MACROD2: variants seen among roughly 807,000 people sequenced by gnomAD.
The protein encoded by MACROD2 is ADP-ribose glycohydrolase MACROD2.
Under a neutral mutation model 70.4 loss-of-function variants are expected in MACROD2, and 36 were observed. The observed-to-expected ratio is 0.51, with a 90% confidence interval of 0.39 to 0.68. The LOEUF is 0.68. MACROD2 is among the 30% of genes least tolerant of loss of function. The probability of loss-of-function intolerance (pLI) is 0.00; values close to 1 mark genes in which losing one functional copy is unlikely to be tolerated. For synonymous variants in MACROD2, 172 were observed against 178.8 expected (o/e 0.96, Z 0.30); for missense variants, 496 against 538.4 (o/e 0.92, Z 0.78).
intron 3 of MACROD2, among the ~76,000 whole-genome samples, chr20:14,175,210 C>G (rs1047634006): frequency 6.6e-6 from 1 of 152,218 alleles, no homozygotes; most frequent in African/African-American, 2.4e-5. Flanking sequence ...TCCTATCTGT[C>G]ATTTTTTCCC....
intron 3 of MACROD2, among the ~76,000 whole-genome samples, chr20:14,436,551 G>A (rs8116105): frequency 2.0e-5 from 3 of 151,892 alleles, no homozygotes; most frequent in African/African-American, 4.8e-5. Flanking sequence ...TTCCATATGC[G>A]TACTCCCTAG....
intron 6 of MACROD2, among the ~76,000 whole-genome samples, chr20:15,337,752 T>G (rs1275475159): frequency 2.6e-5 from 4 of 151,704 alleles, no homozygotes; most frequent in Non-Finnish European, 4.4e-5. Flanking sequence ...CATGGAAACA[T>G]GACATGAGTC....
At chr20:15,241,643 G>T (rs2077060484) in intron 6 of MACROD2, among the ~76,000 whole-genome samples, 1 of 151,536 alleles carries the variant, frequency 6.6e-6, no homozygotes, top group African/African-American at 2.4e-5. Flanking sequence ...ACGCTGTCTT[G>T]CAGAACAAGT....
chr20:15,982,087 G>A (rs1159091833), intron 13 of MACROD2, among the ~76,000 whole-genome samples: 1 of 151,752 alleles, frequency 6.6e-6, no homozygotes, highest in Non-Finnish European at 1.5e-5. Context: ...ACATTTTTGG[G>A]GACCTCTCTT....
chr20:15,234,757 C>T (rs1440654488), intron 6 of MACROD2, among the ~76,000 whole-genome samples: 7 of 151,618 alleles, frequency 4.6e-5, no homozygotes, highest in East Asian at 1.9e-4. Flanking sequence ...TCGGGGTGAG[C>T]GTAGGGGTGA....
At chr20:14,520,952 T>TGCGC (rs202009454) in intron 4 of MACROD2, among the ~76,000 whole-genome samples, 4 of 114,694 alleles carry the variant, frequency 3.5e-5, no homozygotes, top group Non-Finnish European at 5.3e-5. Context: ...CACGCGTGCG[T>TGCGC]GCGCGCACAC....
intron 6 of MACROD2, among the ~76,000 whole-genome samples, chr20:15,381,958 G>T (rs1698717627): frequency 6.6e-6 from 1 of 152,124 alleles, no homozygotes; most frequent in Admixed American, 6.5e-5. Flanking sequence ...ATTACTAAAG[G>T]GAATTCCAGG....
intron 5 of MACROD2, among the ~76,000 whole-genome samples, chr20:14,854,402 A>G (rs1238033512): frequency 6.6e-6 from 1 of 152,158 alleles, no homozygotes; most frequent in African/African-American, 2.4e-5. Context: ...CTGTATTAGT[A>G]TACTTAATCA....
In MACROD2 at chr20:14,479,723, TGA is replaced by T. The variant is rs542194360; in HGVS notation, c.272-13752_272-13751del. Among the ~76,000 whole-genome samples the T allele has an allele frequency of 3.0e-3, 459 of 152,234 alleles. 10 individuals are homozygous for T. Among genetic ancestry groups the T allele is most frequent in the Admixed American group, 0.029 (443 of 15,286 alleles). On this transcript the variant is annotated intron_variant, in intron 3 of 17. Coordinates refer to ENST00000684519, the MANE Select transcript of MACROD2 (RefSeq NM_001351661.2). ...ATCTTCACCAGACTTCAGCTTCATC[TGA>T]GAGGGCAGAATTTTGCAAAATAGAA...
intron 4 of MACROD2, among the ~76,000 whole-genome samples, chr20:14,577,895 A>G (rs1600407399): frequency 6.6e-6 from 1 of 151,966 alleles, no homozygotes; most frequent in African/African-American, 2.4e-5. Context: ...TCATGAAACT[A>G]GAAAGAAAAG....
At chr20:14,110,837 T>C (rs2054440524) in intron 3 of MACROD2, among the ~76,000 whole-genome samples, 1 of 151,960 alleles carries the variant, frequency 6.6e-6, no homozygotes, top group Admixed American at 6.6e-5. Context: ...CCTATCAAAA[T>C]ACCAATGGCA....
At chr20:14,982,011 T>C (rs2074805394) in intron 5 of MACROD2, among the ~76,000 whole-genome samples, 2 of 152,130 alleles carry the variant, frequency 1.3e-5, no homozygotes, top group African/African-American at 4.8e-5. Context: ...TTGACAAAAA[T>C]GCTGATAGTG....
chr20:14,608,975 G>T (rs949237791), intron 4 of MACROD2, among the ~76,000 whole-genome samples: 4 of 152,134 alleles, frequency 2.6e-5, no homozygotes, highest in African/African-American at 9.7e-5. Flanking sequence ...GAGGGGGCCA[G>T]TGTGTAAGGT....
chr20:15,924,659 A>C (rs530854019), intron 10 of MACROD2, among the ~76,000 whole-genome samples: 84 of 152,326 alleles, frequency 5.5e-4, no homozygotes, highest in African/African-American at 2.0e-3. Context: ...TCTCTCCAGC[A>C]TCTTGAACGT....
At chr20:15,155,737 C>T (rs1601152225) in intron 5 of MACROD2, among the ~76,000 whole-genome samples, 2 of 151,990 alleles carry the variant, frequency 1.3e-5, no homozygotes, top group South Asian at 2.1e-4. Context: ...ATTAATCTAT[C>T]GAATGAATAA....
chr20:15,253,795 T>C lies in MACROD2; in HGVS notation c.540+23734T>C, dbSNP rs184717276. On this transcript the variant is annotated intron_variant, in intron 6 of 17. Coordinates refer to ENST00000684519, the MANE Select transcript of MACROD2 (RefSeq NM_001351661.2). Reference sequence around the variant, plus strand: ...TCGACTGAGCTACATCCACACACTATTCACCATAATGAGAATTGGAATATT... The same window carrying C: ...TCGACTGAGCTACATCCACACACTACTCACCATAATGAGAATTGGAATATT... 3.3e-5 allele frequency among the ~76,000 whole-genome samples: 5 copies of C among 152,298 alleles called. No individual in the cohort carries two copies. The East Asian group carries it at 9.7e-4, about 29-fold the overall frequency.
At chr20:15,275,383 G>A (rs1037237998) in intron 6 of MACROD2, among the ~76,000 whole-genome samples, 2 of 152,138 alleles carry the variant, frequency 1.3e-5, no homozygotes, top group East Asian at 3.9e-4. Flanking sequence ...TTAAGGAGGG[G>A]GGTAATTAGT....
intron 15 of MACROD2, among the ~76,000 whole-genome samples, chr20:16,009,289 G>T (rs1019414632): frequency 6.6e-6 from 1 of 152,172 alleles, no homozygotes; most frequent in Non-Finnish European, 1.5e-5. Context: ...GTTGACATTT[G>T]TATAGAAGCC....
At chr20:15,377,084 G>T (rs1204016673) in intron 6 of MACROD2, among the ~76,000 whole-genome samples, 1 of 152,010 alleles carries the variant, frequency 6.6e-6, no homozygotes, top group Non-Finnish European at 1.5e-5. Flanking sequence ...TAGAGATGGG[G>T]TTTCACCGTG....
Sources: allele counts gnomAD v4.1 joint callset (sites outside exome capture counted in the v4.1 genomes callset), GRCh38; gene constraint gnomAD v4.1.1; transcripts MANE v1.5; gene names NCBI Gene and HGNC (gene_info 2026-07-23, HGNC 2026-07-21).